Variants in ZNF438 observed in about 807,000 individuals in gnomAD.
The protein encoded by ZNF438 is zinc finger protein 438.
A neutral mutation model predicts 38.0 loss-of-function variants in ZNF438; 25 were observed. The observed-to-expected ratio is 0.66, with a 90% confidence interval of 0.48 to 0.92. The LOEUF is 0.92. Among genes scored for constraint, ZNF438 ranks in the 40% least tolerant of loss-of-function variants. The pLI is 0.00. For missense variants in ZNF438, 1,007 were observed against 999.6 expected (o/e 1.01, Z -0.10); for synonymous variants, 372 against 364.1 (o/e 1.02, Z -0.25).
At chr10:30,857,016 C>T (rs1315182843) in intron 4 of ZNF438, among the ~76,000 whole-genome samples, 1 of 152,080 alleles carries the variant, frequency 6.6e-6, no homozygotes, top group Non-Finnish European at 1.5e-5. Context: ...TATTACTGTT[C>T]CCCTTACACA....
At chr10:30,974,941 C>T (rs1316816996) in intron 1 of ZNF438, among the ~76,000 whole-genome samples, 1 of 152,180 alleles carries the variant, frequency 6.6e-6, no homozygotes, top group Admixed American at 6.5e-5. Context: ...GAATACCACA[C>T]TAAATCCAGT....
At chr10:30,848,720 C>A (rs376714078) in exon 5 of ZNF438, 1 of 1,614,092 alleles carries the variant, frequency 6.2e-7, no homozygotes, top group Non-Finnish European at 8.5e-7. Context: ...TTTCTTCAGA[C>A]GGTTCTCACC....
chr10:31,012,421 C>T (rs1466558249), intron 1 of ZNF438, among the ~76,000 whole-genome samples: 1 of 152,106 alleles, frequency 6.6e-6, no homozygotes, highest in African/African-American at 2.4e-5. Flanking sequence ...CAGTGCCTGG[C>T]CAATCTCATT....
At chr10:31,022,260 C>CTTTTTT in intron 1 of ZNF438, among the ~76,000 whole-genome samples, 1 of 149,144 alleles carries the variant, frequency 6.7e-6, no homozygotes, top group Non-Finnish European at 1.5e-5. Context: ...AGCTTTCTTC[C>CTTTTTT]TTTTTTTTTT....
Position 30,959,118 on chromosome 10 carries a change from T to A in ZNF438, c.-191-17467A>T, listed in dbSNP as rs528146755. The stretch of plus-strand genomic sequence containing the variant: ...TTGCTGAGTTTATATGGCACAATGA[T>A]TAAAAATTATGTATCAGTTTGGCTG... On this transcript the variant is annotated intron_variant, in intron 1 of 5. Transcript: ENST00000413025. 1.1e-3 allele frequency among the ~76,000 whole-genome samples: 167 copies of A among 147,572 alleles called. 21 individuals are homozygous for A. The highest frequency in any genetic ancestry group is 2.9e-3 in the Admixed American group (42 of 14,690).
At chr10:30,855,784 C>T (rs892186807) in intron 4 of ZNF438, among the ~76,000 whole-genome samples, 1 of 152,202 alleles carries the variant, frequency 6.6e-6, no homozygotes, top group Non-Finnish European at 1.5e-5. Flanking sequence ...TATGCTATCA[C>T]TTGGATTAAC....
exon 5 of ZNF438, chr10:30,849,629 A>C: frequency 1.9e-6 from 3 of 1,614,144 alleles, no homozygotes; most frequent in Non-Finnish European, 2.5e-6. Flanking sequence ...TTGTTCTTTA[A>C]ATTTTTCACT....
At chr10:30,972,915 A>C (rs1236599963) in intron 1 of ZNF438, among the ~76,000 whole-genome samples, 1 of 152,216 alleles carries the variant, frequency 6.6e-6, no homozygotes, top group Non-Finnish European at 1.5e-5. Flanking sequence ...CAAATTTAAA[A>C]TTCTAGATAT....
intron 1 of ZNF438, among the ~76,000 whole-genome samples, chr10:31,014,842 GTA>G (rs1215378898): frequency 4.3e-5 from 3 of 69,006 alleles, no homozygotes; most frequent in Non-Finnish European, 9.3e-5. Flanking sequence ...AAATGTGTGT[GTA>G]TGTGTGTGTG....
chr10:31,015,101 G>A (rs1161729902), intron 1 of ZNF438, among the ~76,000 whole-genome samples: 2 of 152,114 alleles, frequency 1.3e-5, no homozygotes, highest in African/African-American at 4.8e-5. Context: ...GGCTTCAAGC[G>A]ATCCTCCGAA....
At chr10:30,938,787 T>C (rs2046522651) in intron 2 of ZNF438, among the ~76,000 whole-genome samples, 1 of 151,080 alleles carries the variant, frequency 6.6e-6, no homozygotes, top group Non-Finnish European at 1.5e-5. Flanking sequence ...CTTTATTTAT[T>C]TATTTATTTA....
intron 2 of ZNF438, among the ~76,000 whole-genome samples, chr10:30,939,528 G>A (rs1490380880): frequency 6.6e-6 from 1 of 152,348 alleles, no homozygotes; most frequent in African/African-American, 2.4e-5. Flanking sequence ...ACCCACCCAT[G>A]TGAAAGGATA....
At chr10:30,890,520 A>T (rs1402563150) in intron 3 of ZNF438, among the ~76,000 whole-genome samples, 2 of 152,172 alleles carry the variant, frequency 1.3e-5, no homozygotes, top group Admixed American at 6.5e-5. Context: ...TATTTTCTAA[A>T]GCCATTGTCT....
intron 1 of ZNF438, among the ~76,000 whole-genome samples, chr10:31,030,868 T>C (rs1273344032): frequency 6.6e-6 from 1 of 152,250 alleles, no homozygotes; most frequent in Non-Finnish European, 1.5e-5. Flanking sequence ...AGCAGTCAGA[T>C]ACGATGATTG....
chr10:30,938,702 A>T (rs1456331547), intron 2 of ZNF438, among the ~76,000 whole-genome samples: 2 of 152,252 alleles, frequency 1.3e-5, no homozygotes, highest in Non-Finnish European at 2.9e-5. Flanking sequence ...TTTTATGGCA[A>T]TTAATCATAT....
At chr10:30,960,606 C>T (rs1055392209) in intron 1 of ZNF438, among the ~76,000 whole-genome samples, 2 of 146,824 alleles carry the variant, frequency 1.4e-5, no homozygotes, top group Non-Finnish European at 3.1e-5. Context: ...CAATTCCTCT[C>T]CATTGATTTA....
chr10:30,928,008 A>G (rs145429283), intron 2 of ZNF438, among the ~76,000 whole-genome samples: 1 of 152,286 alleles, frequency 6.6e-6, no homozygotes, highest in Non-Finnish European at 1.5e-5. Context: ...CTTATTTCTG[A>G]TTTGTCTATT....
chr10:30,858,458 C>T (rs1010710526), intron 4 of ZNF438, among the ~76,000 whole-genome samples: 4 of 152,284 alleles, frequency 2.6e-5, no homozygotes, highest in Middle Eastern at 3.4e-3. Flanking sequence ...CACCTTTAGC[C>T]ATTGCCTACC....
intron 1 of ZNF438, among the ~76,000 whole-genome samples, chr10:30,983,531 A>G (rs2052452898): frequency 6.6e-6 from 1 of 151,870 alleles, no homozygotes. Context: ...TGATCCAATC[A>G]CCTCCCATCA....
Sources: allele counts gnomAD v4.1 joint callset (sites outside exome capture counted in the v4.1 genomes callset), GRCh38; gene constraint gnomAD v4.1.1; transcripts MANE v1.5; gene names NCBI Gene and HGNC (gene_info 2026-07-23, HGNC 2026-07-21).